Variants in PRRT1 observed in about 807,000 individuals in gnomAD.
PRRT1 encodes proline-rich transmembrane protein 1.
PRRT1 carries 8 observed loss-of-function variants against 22.6 expected under a neutral mutation model. That is an observed-to-expected ratio of 0.35 (90% CI 0.21 to 0.64). The LOEUF is 0.64. Among genes scored for constraint, PRRT1 ranks in the 30% least tolerant of loss-of-function variants. The probability of loss-of-function intolerance (pLI) is 0.69; values close to 1 mark genes in which losing one functional copy is unlikely to be tolerated. For synonymous variants in PRRT1, 176 were observed against 203.6 expected, an observed-to-expected ratio of 0.86 and a Z score of 1.15; for missense variants, 315 against 444.5, an observed-to-expected ratio of 0.71 and a Z score of 2.62.
At position 32,149,889 on chromosome 6, in the gene PRRT1, C is replaced by T. The variant is rs1187047497; in HGVS notation, c.559-167G>A. ...ACACCCATAAATTCCACCTAAGCCC[C>T]TCTCCTCCCTTCCTTGCTTCATTAA... On this transcript the variant is annotated intron_variant, in intron 2 of 3. Coordinates refer to ENST00000211413, the MANE Select transcript of PRRT1 (RefSeq NM_030651.4). This position sits in a 1 kb window ranked among gnomAD's most constrained non-coding sequence, Gnocchi z 8.7. 5.1e-6 allele frequency: 3 copies of T among 584,706 alleles called. No individual in the cohort carries two copies. Among genetic ancestry groups the T allele is most frequent in the East Asian group, 2.9e-5 (1 of 34,360 alleles). The allele number at this position is 584,706 out of a possible 1,614,324, so 36.2% of individuals were successfully genotyped here. A position where few individuals can be genotyped will look rare whatever the true frequency, so the allele number is the denominator to read the frequency against.
At position 32,149,011 on chromosome 6, in the gene PRRT1, CT is replaced by C; in HGVS notation, c.*210del. On this transcript the variant is annotated 3_prime_UTR_variant, in exon 4 of 4. Transcript: ENST00000211413. This position sits in a 1 kb window ranked among gnomAD's most constrained non-coding sequence, Gnocchi z 8.7. Reference sequence around the variant, plus strand: ...GCCGGGATCCCGGAAAGCGGCGTCCCTGGGGGTGTGGGTTTTGGAGGGGTTC... The same window carrying C: ...GCCGGGATCCCGGAAAGCGGCGTCCCGGGGGTGTGGGTTTTGGAGGGGTTC... The C allele has an allele frequency of 1.4e-6, 1 of 717,262 alleles. No individual in the cohort carries two copies. The highest frequency in any genetic ancestry group is 2.7e-5 in the East Asian group (1 of 37,296). The allele number at this position is 717,262 out of a possible 1,614,324, so 44.4% of individuals were successfully genotyped here. A position where few individuals can be genotyped will look rare whatever the true frequency, so the allele number is the denominator to read the frequency against.
Position 32,150,972 on chromosome 6 carries a change from TA to T in PRRT1, c.20-67del. ...ACACAGTGATGAGTTGAGGAGGGGGTAAGGGGAAACACAGCCGGTCAGGGAT... is the reference window on the plus strand; with the variant it reads ...ACACAGTGATGAGTTGAGGAGGGGGTAGGGGAAACACAGCCGGTCAGGGAT... On this transcript the variant is annotated intron_variant, in intron 1 of 3. Transcript: ENST00000211413. The surrounding 1 kb of genome is among the most constrained non-coding windows in gnomAD (Gnocchi z 7.2). 7.9e-7 allele frequency: 1 copy of T among 1,264,670 alleles called. No homozygotes were observed. The highest frequency in any genetic ancestry group is 2.0e-5 in the Admixed American group (1 of 50,310). 78.3% of individuals were successfully genotyped at this position (1,264,670 alleles called of 1,614,324 possible).
Position 32,150,346 on chromosome 6 carries a change from T to A in PRRT1, c.558+22A>T. The A allele has an allele frequency of 6.5e-7, 1 of 1,549,398 alleles. No individual in the cohort carries two copies. ...GTATCGCGTCCCCCTCTTTCCCATG[T>A]CCCTGTCTGCCCGGCACTCACCGTG... is the stretch of plus-strand genomic sequence containing the variant. On this transcript the variant is annotated intron_variant, in intron 2 of 3. Transcript: ENST00000211413. The surrounding 1 kb of genome is among the most constrained non-coding windows in gnomAD (Gnocchi z 7.2).
In PRRT1 at chr6:32,149,142, G is replaced by T; in HGVS notation, c.*80C>A. The T allele has an allele frequency of 7.0e-7, 1 of 1,437,058 alleles. No individual in the cohort carries two copies. The highest frequency in any genetic ancestry group is 1.2e-5 in the South Asian group (1 of 83,830). 89.0% of individuals were successfully genotyped at this position (1,437,058 alleles called of 1,614,324 possible). On this transcript the variant is annotated 3_prime_UTR_variant, in exon 4 of 4. Coordinates refer to ENST00000211413, the MANE Select transcript of PRRT1 (RefSeq NM_030651.4). The surrounding 1 kb of genome is among the most constrained non-coding windows in gnomAD (Gnocchi z 8.7). The stretch of plus-strand genomic sequence containing the variant: ...GGCCCCAGAAACGGGTGTGCAGGGC[G>T]CCCATTGGGTCCGCGGTATGACTGC...
Position 32,151,683 on chromosome 6 carries a change from A to G in PRRT1, c.19+126T>C, listed in dbSNP as rs576154652. The G allele has an allele frequency of 7.2e-5, 44 of 610,612 alleles. No homozygotes were observed. In the African/African-American group the frequency reaches 7.3e-4, roughly 10 times the overall value. The allele number at this position is 610,612 out of a possible 1,614,324, so 37.8% of individuals were successfully genotyped here. On this transcript the variant is annotated intron_variant, in intron 1 of 3. Transcript: ENST00000211413. ...GAGGAGGGGGACTGGGGGAGTGTTG[A>G]GAGCTGGAGAGAAGGGGAATGAAAT... is the stretch of plus-strand genomic sequence containing the variant.
At chr6:32,151,162 C>G (rs1294935516) in intron 1 of PRRT1, 3 of 688,626 alleles carry the variant, frequency 4.4e-6, no homozygotes, top group Non-Finnish European at 7.9e-6. Context: ...CTGTCTTTTT[C>G]ATCACCATGC....
rs1301578982 is a variant in PRRT1 at position 32,148,752 on chromosome 6, G to T, written c.*470C>A. 2.1e-6 allele frequency: 1 copy of T among 466,586 alleles called. No individual in the cohort carries two copies. The highest frequency in any genetic ancestry group is 4.3e-6 in the Non-Finnish European group (1 of 233,792). 28.9% of individuals were successfully genotyped at this position (466,586 alleles called of 1,614,324 possible). A position where few individuals can be genotyped will look rare whatever the true frequency, so the allele number is the denominator to read the frequency against. ...GGTCCTTTTGCCGGAAGAAAGGGAGGGGTCTGTCCGTCTGTGGGCGAGGCC... is the reference window on the plus strand; with the variant it reads ...GGTCCTTTTGCCGGAAGAAAGGGAGTGGTCTGTCCGTCTGTGGGCGAGGCC... On this transcript the variant is annotated 3_prime_UTR_variant, in exon 4 of 4. Coordinates refer to ENST00000211413, the MANE Select transcript of PRRT1 (RefSeq NM_030651.4). This position sits in a 1 kb window ranked among gnomAD's most constrained non-coding sequence, Gnocchi z 5.7.
At position 32,150,243 on chromosome 6, in the gene PRRT1, G is replaced by A. The variant is rs1783183634; in HGVS notation, c.558+125C>T. ...TCAGGCTCCCTTCTTTCTAGGGCTTGTCCCGGGAACACTACCTGTTCCCTG... is the reference window on the plus strand; with the variant it reads ...TCAGGCTCCCTTCTTTCTAGGGCTTATCCCGGGAACACTACCTGTTCCCTG... On this transcript the variant is annotated intron_variant, in intron 2 of 3. Coordinates refer to ENST00000211413, the MANE Select transcript of PRRT1 (RefSeq NM_030651.4). This position sits in a 1 kb window ranked among gnomAD's most constrained non-coding sequence, Gnocchi z 7.2. The A allele has an allele frequency of 8.2e-7, 1 of 1,223,404 alleles. No homozygotes were observed. Among genetic ancestry groups the A allele is most frequent in the Non-Finnish European group, 1.1e-6 (1 of 924,616 alleles). 75.8% of individuals were successfully genotyped at this position (1,223,404 alleles called of 1,614,324 possible). A position where few individuals can be genotyped will look rare whatever the true frequency, so the allele number is the denominator to read the frequency against.
chr6:32,149,643 A>T lies in PRRT1; in HGVS notation c.638T>A (p.Leu213Gln). The change falls in exon 3 of 4, where the codon CTA becomes CAA. Residue 213 changes from leucine to glutamine, a missense_variant. This residue lies in a region of PRRT1 where 263 missense variants were observed against 328.5 expected (regional missense o/e 0.80). Transcript: ENST00000211413. This position sits in a 1 kb window ranked among gnomAD's most constrained non-coding sequence, Gnocchi z 8.7. ...PPPPQGPGLALLEPRRPPHDY... is the reference protein window; with the variant it reads ...PPPPQGPGLAQLEPRRPPHDY... ...GTGTGGCGGGCGCCTCGGCTCCAGT[A>T]GGGCCAGCCCTGGGCCCTGGGGCGG... The T allele has an allele frequency of 6.2e-7, 1 of 1,612,776 alleles. No individual in the cohort carries two copies. Among genetic ancestry groups the T allele is most frequent in the African/African-American group, 1.3e-5 (1 of 75,032 alleles).
In PRRT1 at chr6:32,150,732, G is replaced by A. The variant is rs1191447789; in HGVS notation, c.194C>T (p.Ala65Val). Residue 65 changes from alanine to valine, a missense_variant, in exon 2 of 4, where the codon GCC (alanine) becomes GTC (valine). Coordinates refer to ENST00000211413, the MANE Select transcript of PRRT1 (RefSeq NM_030651.4). The surrounding 1 kb of genome is among the most constrained non-coding windows in gnomAD (Gnocchi z 7.2). ...GCGCTGAGCGGTGGCCGCGGAAGAG[G>A]CCAGGCCCCCTGCCCCTAAGCGCGG... ...TLPRLGAGGL[A>V]SSAATAQRGP... 2.7e-6 allele frequency: 4 copies of A among 1,508,124 alleles called. No homozygotes were observed. Among genetic ancestry groups the A allele is most frequent in the Non-Finnish European group, 3.5e-6 (4 of 1,128,344 alleles). 93.4% of individuals were successfully genotyped at this position (1,508,124 alleles called of 1,614,324 possible).
chr6:32,151,125 A>C, intron 1 of PRRT1: 1 of 700,576 alleles, frequency 1.4e-6, no homozygotes, highest in South Asian at 1.5e-5. Flanking sequence ...TCTAGTTTTG[A>C]GGTCACAACT....
rs748827555 is a variant in PRRT1, at chr6:32,149,700, C to T, written c.581G>A (p.Gly194Glu). The change falls in exon 3 of 4, where the codon GGG (glycine) becomes GAG (glutamate). Residue 194 changes from glycine to glutamate, a missense_variant. Physicochemically the swap from Gly to Glu is moderately conservative, Grantham distance 98. This residue lies in a region of PRRT1 where 263 missense variants were observed against 328.5 expected (regional missense o/e 0.80). Transcript: ENST00000211413. The surrounding 1 kb of genome is among the most constrained non-coding windows in gnomAD (Gnocchi z 8.7). ...VGTPYAGGTP[G>E]GTGVTSTLPP... ...GAGAGTGGAGGTCACTCCTGTTCCC[C>T]CCGGGGTCCCGCCTGCATATGGCTG... 3.1e-6 allele frequency: 5 copies of T among 1,596,594 alleles called. No individual in the cohort carries two copies. Among genetic ancestry groups the T allele is most frequent in the Non-Finnish European group, 2.6e-6 (3 of 1,171,816 alleles).
At chr6:32,151,994 G>A (rs1382775617), upstream of PRRT1, 12 of 379,072 alleles carry the variant, frequency 3.2e-5, no homozygotes, top group African/African-American at 5.3e-5. Flanking sequence ...AGAGCGGGGA[G>A]GGGGGGAGCT....
rs190009051 is a variant in PRRT1 at position 32,150,011 on chromosome 6, A to T, written c.559-289T>A. 2.0e-5 allele frequency among the ~76,000 whole-genome samples: 3 copies of T among 151,558 alleles called. No individual in the cohort carries two copies. In the East Asian group the frequency reaches 5.8e-4, roughly 30 times the overall value. On this transcript the variant is annotated intron_variant, in intron 2 of 3. Coordinates refer to ENST00000211413, the MANE Select transcript of PRRT1 (RefSeq NM_030651.4). The surrounding 1 kb of genome is among the most constrained non-coding windows in gnomAD (Gnocchi z 7.2). The stretch of plus-strand genomic sequence containing the variant: ...GTCAGACCTTCTTTCTTCCCTCCAG[A>T]CACCTACCAGGCCTCCCCTACCCCC...
Position 32,150,492 on chromosome 6 carries a change from C to T in PRRT1, c.434G>A (p.Gly145Asp). Residue 145 changes from glycine (G) to aspartate (D), a missense_variant, in exon 2 of 4, where the codon GGC becomes GAC. Coordinates refer to ENST00000211413, the MANE Select transcript of PRRT1 (RefSeq NM_030651.4). The surrounding 1 kb of genome is among the most constrained non-coding windows in gnomAD (Gnocchi z 7.2). The stretch of plus-strand genomic sequence containing the variant: ...CCCCGCGTGCGTGGGCACCACGAAG[C>T]CAGGGGCCTGGGCAGTCTGGGCTGG... ...PAPAQTAQAP[G>D]FVVPTHAGTV... is the part of the protein sequence containing the mutation. 1 of 1,475,072 alleles carries T rather than the reference C, an allele frequency of 6.8e-7. No homozygotes were observed. Among genetic ancestry groups the T allele is most frequent in the Non-Finnish European group, 8.9e-7 (1 of 1,119,476 alleles). 91.4% of individuals were successfully genotyped at this position (1,475,072 alleles called of 1,614,324 possible). A position where few individuals can be genotyped will look rare whatever the true frequency, so the allele number is the denominator to read the frequency against.
In PRRT1 at chr6:32,148,816, C is replaced by G; in HGVS notation, c.*406G>C. ...CCAATCACTGGACTGAATCACCCCG[C>G]GGAGAAGAAAAGAAGGCGGAGCCTG... is the stretch of plus-strand genomic sequence containing the variant. On this transcript the variant is annotated 3_prime_UTR_variant, in exon 4 of 4. Coordinates refer to ENST00000211413, the MANE Select transcript of PRRT1 (RefSeq NM_030651.4). The surrounding 1 kb of genome is among the most constrained non-coding windows in gnomAD (Gnocchi z 5.7). 1 of 499,402 alleles carries G rather than the reference C, an allele frequency of 2.0e-6. No homozygotes were observed. The highest frequency in any genetic ancestry group is 3.9e-6 in the Non-Finnish European group (1 of 255,492). The allele number at this position is 499,402 out of a possible 1,614,324, so 30.9% of individuals were successfully genotyped here.
At position 32,149,251 on chromosome 6, in the gene PRRT1, G is replaced by A. The variant is rs148054537; in HGVS notation, c.892C>T (p.Gln298Ter). Residue 298 changes from glutamine (Q) to a stop codon, truncating the protein, a stop_gained, in exon 4 of 4, where the codon CAG becomes TAG. Transcript: ENST00000211413. LOFTEE classifies it high-confidence loss of function. This position sits in a 1 kb window ranked among gnomAD's most constrained non-coding sequence, Gnocchi z 8.7. ...GGATCCCAGTAGTTCTCGTGGTGCTGCGCGGCGATGATGATGACTACGGTG... is the reference window on the plus strand; with the variant it reads ...GGATCCCAGTAGTTCTCGTGGTGCTACGCGGCGATGATGATGACTACGGTG... Reference protein sequence around the residue: ...ILTVVIIIAAQHHENYWDP With the variant: ...ILTVVIIIAA The A allele has an allele frequency of 6.2e-7, 1 of 1,611,802 alleles. No individual in the cohort carries two copies. Among genetic ancestry groups the A allele is most frequent in the Non-Finnish European group, 8.5e-7 (1 of 1,179,816 alleles).
chr6:32,151,508 T>G, intron 1 of PRRT1: 2 of 528,920 alleles, frequency 3.8e-6, no homozygotes, highest in Non-Finnish European at 6.8e-6. Flanking sequence ...CAGCCAGTGA[T>G]TGTCCATCTG....
Position 32,150,707 on chromosome 6 carries a change from G to T in PRRT1, c.219C>A (p.Arg73=). Residue 73 remains arginine (R), a synonymous_variant, in exon 2 of 4, where the codon CGC becomes CGA. Coordinates refer to ENST00000211413, the MANE Select transcript of PRRT1 (RefSeq NM_030651.4). This position sits in a 1 kb window ranked among gnomAD's most constrained non-coding sequence, Gnocchi z 7.2. ...GLASSAATAQ[R]GPSSSATLPR... Reference sequence around the variant, plus strand: ...GCAGCGTGGCAGAGGAGGAGGGACCGCGCTGAGCGGTGGCCGCGGAAGAGG... The same window carrying T: ...GCAGCGTGGCAGAGGAGGAGGGACCTCGCTGAGCGGTGGCCGCGGAAGAGG... The T allele has an allele frequency of 6.8e-7, 1 of 1,469,650 alleles. No homozygotes were observed. Among genetic ancestry groups the T allele is most frequent in the Non-Finnish European group, 9.0e-7 (1 of 1,112,970 alleles). 91.0% of individuals were successfully genotyped at this position (1,469,650 alleles called of 1,614,324 possible). A position where few individuals can be genotyped will look rare whatever the true frequency, so the allele number is the denominator to read the frequency against.
Sources: gnomAD v4.1 joint callset for allele counts (sites outside exome capture counted in the v4.1 genomes callset) on GRCh38, gnomAD v4.1.1 for gene constraint, gnomAD v4.1.1 regional missense constraint, Gnocchi (gnomAD v3.1) non-coding constraint, MANE v1.5 for transcripts, NCBI Gene and HGNC (gene_info 2026-07-23, HGNC 2026-07-21) for gene names.